The following CSMD1 variants were observed in gnomAD, a reference collection of about 807,000 sequenced individuals.
CSMD1 encodes the protein CUB and sushi domain-containing protein 1.
Under a neutral mutation model 417.5 loss-of-function variants are expected in CSMD1, and 213 were observed. The ratio of observed to expected loss-of-function variants is 0.51; its 90% CI spans 0.46 to 0.57. CSMD1 has a LOEUF of 0.57. Among genes scored for constraint, CSMD1 ranks in the 20% least tolerant of loss-of-function variants. The pLI, the probability that CSMD1 is intolerant of heterozygous loss-of-function variation, is 0.00. For missense variants in CSMD1, 6,923 were observed against 4,529.7 expected (o/e 1.53, Z -15.17); for synonymous variants, 2,862 against 1,736.8 (o/e 1.65, Z -16.11).
At chr8:4,845,299 G>A (rs556841214) in intron 1 of CSMD1, among the ~76,000 whole-genome samples, 1 of 152,176 alleles carries the variant, frequency 6.6e-6, no homozygotes, top group Non-Finnish European at 1.5e-5. Flanking sequence ...AACGAACACT[G>A]TTAATGTGCT....
rs186373960 is a variant in CSMD1, at chr8:4,397,624, C to T, written c.415+22329G>A. Among the ~76,000 whole-genome samples the T allele has an allele frequency of 3.0e-4, 39 of 131,748 alleles. No homozygotes were observed. In the East Asian group the frequency reaches 9.1e-3, roughly 31 times the overall value. 86.4% of individuals were successfully genotyped at this position (131,748 alleles called of 152,430 possible). ...GATTCACTTTTATTTGCTAATGAAA[C>T]AGACAATATGCATCACTTGTTCTAA... On this transcript the variant is annotated intron_variant, in intron 3 of 69. Coordinates refer to ENST00000635120, the MANE Select transcript of CSMD1 (RefSeq NM_033225.6).
At chr8:4,761,361 C>A (rs138090153) in intron 1 of CSMD1, among the ~76,000 whole-genome samples, 20 of 136,020 alleles carry the variant, frequency 1.5e-4, no homozygotes, top group African/African-American at 5.3e-4. Flanking sequence ...ATCTTGAAAT[C>A]GTGTTACTTG....
chr8:4,457,931 T>A (rs866959175), intron 2 of CSMD1, among the ~76,000 whole-genome samples: 2 of 152,164 alleles, frequency 1.3e-5, no homozygotes, highest in Non-Finnish European at 1.5e-5. Context: ...GGGCAGAGTC[T>A]ATGTATGTCA....
At chr8:3,687,693 G>T (rs931638171) in intron 7 of CSMD1, among the ~76,000 whole-genome samples, 2 of 152,194 alleles carry the variant, frequency 1.3e-5, no homozygotes, top group African/African-American at 4.8e-5. Flanking sequence ...GCCCCACCGT[G>T]CTAACTGATG....
chr8:3,944,180 G>C (rs139215144), intron 5 of CSMD1, among the ~76,000 whole-genome samples: 37 of 152,194 alleles, frequency 2.4e-4, no homozygotes, highest in Non-Finnish European at 1.6e-4. Flanking sequence ...CAACACTTTT[G>C]TAAGTCTGAA....
intron 5 of CSMD1, among the ~76,000 whole-genome samples, chr8:3,984,630 C>G (rs1040084117): frequency 6.9e-6 from 1 of 145,536 alleles, no homozygotes; most frequent in Non-Finnish European, 1.5e-5. Context: ...TTCATTTGAA[C>G]AAAATGCCAA....
In CSMD1 at chr8:4,372,075, G is replaced by C. The variant is rs953655837; in HGVS notation, c.415+47878C>G. ...GGTGAACATGGCAGTAGGTGGCTGA[G>C]GTGGAAGAAAAGCCCTTTCTATCTC... On this transcript the variant is annotated intron_variant, in intron 3 of 69. Transcript: ENST00000635120. Among the ~76,000 whole-genome samples the C allele has an allele frequency of 2.6e-5, 4 of 152,318 alleles. No individual in the cohort carries two copies. The South Asian group carries it at 8.3e-4, about 32-fold the overall frequency.
intron 26 of CSMD1, among the ~76,000 whole-genome samples, chr8:3,280,516 A>T (rs1802651306): frequency 6.6e-6 from 1 of 152,168 alleles, no homozygotes; most frequent in African/African-American, 2.4e-5. Flanking sequence ...CCTCAGAGTC[A>T]ATGTTATATT....
chr8:3,465,984 T>A lies in CSMD1; in HGVS notation c.1561+2728A>T, dbSNP rs373542448. 3.9e-5 allele frequency among the ~76,000 whole-genome samples: 6 copies of A among 152,138 alleles called. No homozygotes were observed. In the East Asian group the frequency reaches 1.2e-3, roughly 29 times the overall value. On this transcript the variant is annotated intron_variant, in intron 12 of 69. Coordinates refer to ENST00000635120, the MANE Select transcript of CSMD1 (RefSeq NM_033225.6). Reference sequence around the variant, plus strand: ...GGAGAGAAGGGGTGCTTACAATTCATCTAAACACCCCTCAGTTGGGTTTAC... The same window carrying A: ...GGAGAGAAGGGGTGCTTACAATTCAACTAAACACCCCTCAGTTGGGTTTAC...
intron 1 of CSMD1, among the ~76,000 whole-genome samples, chr8:4,858,967 A>G (rs1801969868): frequency 6.6e-6 from 1 of 150,638 alleles, no homozygotes; most frequent in African/African-American, 2.4e-5. Context: ...AGGCAATCCT[A>G]AGCCAAAAGA....
chr8:3,034,797 T>C (rs1810566757), intron 50 of CSMD1, among the ~76,000 whole-genome samples: 1 of 152,134 alleles, frequency 6.6e-6, no homozygotes, highest in South Asian at 2.1e-4. Flanking sequence ...CATTAAACAT[T>C]ATAGACTAGG....
At chr8:4,476,647 C>G (rs556296547) in intron 2 of CSMD1, among the ~76,000 whole-genome samples, 5 of 152,180 alleles carry the variant, frequency 3.3e-5, no homozygotes, top group Non-Finnish European at 5.9e-5. Flanking sequence ...AACTCATAGT[C>G]TAACACCATC....
intron 3 of CSMD1, among the ~76,000 whole-genome samples, chr8:4,363,552 C>T (rs1236307485): frequency 2.0e-5 from 3 of 152,148 alleles, no homozygotes; most frequent in Non-Finnish European, 4.4e-5. Flanking sequence ...CTCCCTACTA[C>T]AGATTGTAGG....
chr8:4,076,884 C>T (rs886526771), intron 3 of CSMD1, among the ~76,000 whole-genome samples: 1 of 152,086 alleles, frequency 6.6e-6, no homozygotes, highest in Admixed American at 6.6e-5. Flanking sequence ...ATTATCTTTC[C>T]AGTCTGAAGA....
At position 4,171,662 on chromosome 8, in the gene CSMD1, G is replaced by C. The variant is rs367561279; in HGVS notation, c.416-139563C>G. 4.0e-5 allele frequency among the ~76,000 whole-genome samples: 6 copies of C among 149,416 alleles called. No homozygotes were observed. In the South Asian group the frequency reaches 1.2e-3, roughly 31 times the overall value. On this transcript the variant is annotated intron_variant, in intron 3 of 69. Transcript: ENST00000635120. ...ACTTGCCTGTTTTTTTCCCAATGCA[G>C]ATAAACTGGTAGAATATTTAGAACA... is the stretch of plus-strand genomic sequence containing the variant.
At chr8:3,987,691 C>T (rs1425627399) in intron 5 of CSMD1, among the ~76,000 whole-genome samples, 1 of 152,128 alleles carries the variant, frequency 6.6e-6, no homozygotes, top group Non-Finnish European at 1.5e-5. Flanking sequence ...GGATTGAAAA[C>T]AGGAAACTGC....
intron 1 of CSMD1, among the ~76,000 whole-genome samples, chr8:4,798,072 T>TG (rs1798075701): frequency 6.6e-6 from 1 of 152,240 alleles, no homozygotes; most frequent in Admixed American, 6.5e-5. Flanking sequence ...TGCAGGTTTC[T>TG]TAAGTATGTG....
intron 3 of CSMD1, among the ~76,000 whole-genome samples, chr8:4,187,892 G>T (rs1286770794): frequency 6.6e-6 from 1 of 151,878 alleles, no homozygotes; most frequent in Non-Finnish European, 1.5e-5. Flanking sequence ...TGGCAGCACT[G>T]GCATGATATC....
At chr8:3,977,401 G>A (rs556558900) in intron 5 of CSMD1, among the ~76,000 whole-genome samples, 1 of 152,142 alleles carries the variant, frequency 6.6e-6, no homozygotes, top group African/African-American at 2.4e-5. Flanking sequence ...ATTTCTAAAG[G>A]TTTTGTTTTT....
Sources: gnomAD v4.1 joint callset for allele counts (sites outside exome capture counted in the v4.1 genomes callset) on GRCh38, gnomAD v4.1.1 for gene constraint, MANE v1.5 for transcripts, NCBI Gene and HGNC (gene_info 2026-07-23, HGNC 2026-07-21) for gene names.